NCK1: variants seen among roughly 807,000 people sequenced by gnomAD.
NCK1 encodes SH2/SH3 adapter protein NCK1.
In NCK1, 19 loss-of-function variants were observed where a neutral mutation model predicts 36.6. The observed-to-expected ratio is 0.52, with a 90% CI of 0.36 to 0.76. NCK1 has a LOEUF of 0.76. NCK1 is among the 30% of genes least tolerant of loss of function. The probability of loss-of-function intolerance (pLI) is 0.00; values close to 1 mark genes in which losing one functional copy is unlikely to be tolerated. For synonymous variants in NCK1, 165 were observed against 156.0 expected, an observed-to-expected ratio of 1.06 and a Z score of -0.43; for missense variants, 358 against 445.6, an observed-to-expected ratio of 0.80 and a Z score of 1.77.
At chr3:136,935,933 G>A (rs1434056754) in intron 2 of NCK1, among the ~76,000 whole-genome samples, 2 of 151,898 alleles carry the variant, frequency 1.3e-5, no homozygotes, top group Non-Finnish European at 1.5e-5. Context: ...GAATCATACA[G>A]TATGTGACCT....
intron 1 of NCK1, 132 bp from the exon 2 acceptor site, chr3:136,927,852 C>A: frequency 1.5e-6 from 1 of 684,922 alleles, no homozygotes; most frequent in Admixed American, 2.9e-5. Context: ...TACTATTTGC[C>A]TCATGTATTT....
chr3:136,907,865 T>TATTA (rs1939726775), intron 1 of NCK1, among the ~76,000 whole-genome samples: 1 of 152,212 alleles, frequency 6.6e-6, no homozygotes, highest in Non-Finnish European at 1.5e-5. Context: ...GTGCTACAGG[T>TATTA]ATTATATCCT....
At chr3:136,929,261 T>C (rs1350164103) in intron 2 of NCK1, among the ~76,000 whole-genome samples, 1 of 152,144 alleles carries the variant, frequency 6.6e-6, no homozygotes, top group Non-Finnish European at 1.5e-5. Context: ...AACATTATTG[T>C]TATTCTAGAA....
intron 2 of NCK1, among the ~76,000 whole-genome samples, chr3:136,944,565 G>T (rs1171952172): frequency 6.6e-6 from 1 of 152,186 alleles, no homozygotes; most frequent in Non-Finnish European, 1.5e-5. Flanking sequence ...GAAAAGATAT[G>T]AGTGTGTTTT....
intron 1 of NCK1, among the ~76,000 whole-genome samples, chr3:136,906,070 T>A (rs1939677004): frequency 6.6e-6 from 1 of 152,218 alleles, no homozygotes; most frequent in South Asian, 2.1e-4. Context: ...TTTTTTGAAT[T>A]GTCTTTCATA....
chr3:136,892,118 C>A (rs1218254604), intron 1 of NCK1, among the ~76,000 whole-genome samples: 1 of 151,786 alleles, frequency 6.6e-6, no homozygotes, highest in African/African-American at 2.4e-5. Context: ...GAACTTTTAG[C>A]CTCAAGGGAT....
chr3:136,867,988 G>A (rs1362838028), intron 1 of NCK1, among the ~76,000 whole-genome samples: 3 of 151,946 alleles, frequency 2.0e-5, no homozygotes, highest in Non-Finnish European at 4.4e-5. Flanking sequence ...CATGATCTCG[G>A]CTCACTGCAA....
At chr3:136,868,537 A>G (rs946854678) in intron 1 of NCK1, among the ~76,000 whole-genome samples, 1 of 152,160 alleles carries the variant, frequency 6.6e-6, no homozygotes, top group Non-Finnish European at 1.5e-5. Context: ...CATGTTGGCC[A>G]GGCTGATCTC....
intron 1 of NCK1, among the ~76,000 whole-genome samples, chr3:136,921,462 T>C (rs1419662129): frequency 1.3e-5 from 2 of 152,206 alleles, no homozygotes; most frequent in African/African-American, 4.8e-5. Context: ...CATCTTTGCT[T>C]TATGCAGGGA....
chr3:136,946,225 A>G lies in NCK1; in HGVS notation c.869A>G (p.His290Arg). The G allele has an allele frequency of 6.2e-7, 1 of 1,613,612 alleles. No homozygotes were observed. Among genetic ancestry groups the G allele is most frequent in the Non-Finnish European group, 8.5e-7 (1 of 1,179,920 alleles). The part of the protein sequence containing the change: ...NPWYYGKVTR[H>R]QAEMALNERG... Reference sequence around the variant, plus strand: ...TGGTATTATGGCAAAGTCACCAGGCATCAAGCAGAAATGGCATTAAATGAA... The same window carrying G: ...TGGTATTATGGCAAAGTCACCAGGCGTCAAGCAGAAATGGCATTAAATGAA... Residue 290 changes from histidine (H) to arginine (R), a missense_variant, in exon 3 of 4, where the codon CAT (histidine) becomes CGT (arginine). Transcript: ENST00000481752.
intron 1 of NCK1, chr3:136,900,166 G>A (rs761107570): frequency 2.0e-5 from 6 of 293,066 alleles, no homozygotes; most frequent in Admixed American, 1.0e-4. Flanking sequence ...AGACATTGGC[G>A]CTCTCCCTTC....
At chr3:136,928,623 T>G (rs1319774627) in intron 2 of NCK1, 1 of 169,166 alleles carries the variant, frequency 5.9e-6, no homozygotes, top group Non-Finnish European at 1.3e-5. Flanking sequence ...GAACTTCACT[T>G]AAAACCCTCC....
At chr3:136,863,685 G>T (rs1009164130) in intron 1 of NCK1, among the ~76,000 whole-genome samples, 8 of 152,128 alleles carry the variant, frequency 5.3e-5, no homozygotes, top group African/African-American at 1.7e-4. Context: ...CTCAGCTGTT[G>T]GCTCATGTAT....
chr3:136,890,693 GGCA>G, intron 1 of NCK1, among the ~76,000 whole-genome samples: 1 of 152,196 alleles, frequency 6.6e-6, no homozygotes, highest in Admixed American at 6.5e-5. Context: ...TATGGCTACT[GGCA>G]TTCATGTACA....
intron 1 of NCK1, among the ~76,000 whole-genome samples, chr3:136,863,696 T>G (rs1184535423): frequency 2.0e-5 from 3 of 152,232 alleles, no homozygotes; most frequent in Non-Finnish European, 4.4e-5. Flanking sequence ...GCTCATGTAT[T>G]AAATTTTAAA....
At chr3:136,923,738 A>G (rs1434633246) in intron 1 of NCK1, among the ~76,000 whole-genome samples, 1 of 152,194 alleles carries the variant, frequency 6.6e-6, no homozygotes, top group Non-Finnish European at 1.5e-5. Flanking sequence ...CATAATGTTC[A>G]AACATGTTTG....
intron 2 of NCK1, among the ~76,000 whole-genome samples, chr3:136,943,338 A>T (rs2108148903): frequency 6.6e-6 from 1 of 152,320 alleles, no homozygotes; most frequent in African/African-American, 2.4e-5. Flanking sequence ...ATTAGGAAGG[A>T]AGAAGTTGAT....
chr3:136,946,554 T>C (rs1213384984), intron 3 of NCK1, among the ~76,000 whole-genome samples: 1 of 152,226 alleles, frequency 6.6e-6, no homozygotes, highest in African/African-American at 2.4e-5. Flanking sequence ...ATTCCTGATA[T>C]ATTTTCTGTT....
chr3:136,926,437 T>G (rs1940240910), intron 1 of NCK1, among the ~76,000 whole-genome samples: 1 of 151,582 alleles, frequency 6.6e-6, no homozygotes, highest in East Asian at 1.9e-4. Flanking sequence ...ACCACGCCTG[T>G]CTAATTTTTT....
Sources: gnomAD v4.1 joint callset for allele counts (sites outside exome capture counted in the v4.1 genomes callset) on GRCh38, gnomAD v4.1.1 for gene constraint, MANE v1.5 for transcripts, NCBI Gene and HGNC (gene_info 2026-07-23, HGNC 2026-07-21) for gene names.